Variants in FIRRM observed in about 807,000 individuals in gnomAD.
The protein encoded by FIRRM is FIGNL1 interacting regulator of recombination and mitosis, also known as FIGNL1-interacting regulator of recombination and mitosis.
the FIRRM span, among the ~76,000 whole-genome samples, chr1:169,799,683 C>G: frequency 6.6e-6 from 1 of 152,150 alleles, no homozygotes. Context: ...TCCCAAGTAG[C>G]TGGGATTACA....
the FIRRM span, chr1:169,853,903 A>G: frequency 5.1e-5 from 50 of 977,986 alleles, no homozygotes; most frequent in Middle Eastern, 6.4e-4. Context: ...ACTAAGTAAA[A>G]TAACTTAGAG....
the FIRRM span, among the ~76,000 whole-genome samples, chr1:169,799,668 C>T: frequency 6.6e-6 from 1 of 152,190 alleles, no homozygotes; most frequent in Non-Finnish European, 1.5e-5. Flanking sequence ...TCTCCTGCCT[C>T]AGTCTCCCAA....
the FIRRM span, among the ~76,000 whole-genome samples, chr1:169,817,572 A>G: frequency 4.6e-5 from 7 of 152,326 alleles, no homozygotes; most frequent in African/African-American, 7.2e-5. Flanking sequence ...ATATTTGACT[A>G]TGCTTCCTGT....
the FIRRM span, among the ~76,000 whole-genome samples, chr1:169,829,864 G>A: frequency 6.6e-6 from 1 of 152,148 alleles, no homozygotes; most frequent in African/African-American, 2.4e-5. Flanking sequence ...TTAAAGATCA[G>A]TAGCATTTCA....
chr1:169,801,565 C>A, the FIRRM span, among the ~76,000 whole-genome samples: 1 of 147,082 alleles, frequency 6.8e-6, no homozygotes, highest in Admixed American at 6.8e-5. Context: ...CCACTGTACT[C>A]CAGCCTGGGT....
At chr1:169,852,190 G>A in the FIRRM span, 1,168 of 513,712 alleles carry the variant, frequency 2.3e-3, 4 homozygotes, top group Non-Finnish European at 3.3e-3. Context: ...TATTGTACCA[G>A]TGATGCTATA....
the FIRRM span, among the ~76,000 whole-genome samples, chr1:169,812,102 T>C: frequency 3.7e-4 from 57 of 152,364 alleles, no homozygotes; most frequent in South Asian, 0.011. Flanking sequence ...ATTTACCTGC[T>C]TTTTGAAAAT....
the FIRRM span, among the ~76,000 whole-genome samples, chr1:169,846,163 G>A: frequency 6.6e-6 from 1 of 152,142 alleles, no homozygotes; most frequent in Non-Finnish European, 1.5e-5. Flanking sequence ...TATTTTGAAA[G>A]AAATCTTTTT....
At chr1:169,827,823 C>G in the FIRRM span, 2 of 1,613,912 alleles carry the variant, frequency 1.2e-6, no homozygotes, top group Non-Finnish European at 1.7e-6. Context: ...ACAGCCAGGT[C>G]TCAGAAACGA....
chr1:169,832,402 C>T, the FIRRM span: 2 of 1,580,764 alleles, frequency 1.3e-6, no homozygotes, highest in Non-Finnish European at 8.7e-7. Context: ...CTCTCTCTCT[C>T]ATGTCTTTTT....
the FIRRM span, among the ~76,000 whole-genome samples, chr1:169,819,141 C>A: frequency 6.6e-6 from 1 of 152,248 alleles, no homozygotes; most frequent in Non-Finnish European, 1.5e-5. Context: ...TATACTGGAT[C>A]CTGGATTCCC....
chr1:169,850,295 T>G, the FIRRM span: 2 of 1,612,654 alleles, frequency 1.2e-6, no homozygotes, highest in South Asian at 2.2e-5. Context: ...AGTTCCACAG[T>G]GTCTCAGTTC....
chr1:169,807,951 T>A, the FIRRM span: 1 of 1,593,430 alleles, frequency 6.3e-7, no homozygotes, highest in Non-Finnish European at 8.5e-7. Context: ...GCTAATAGCA[T>A]TTTAAACAGC....
chr1:169,830,193 A>G, the FIRRM span: 4 of 1,321,124 alleles, frequency 3.0e-6, no homozygotes, highest in African/African-American at 1.5e-5. Context: ...ATTTTGAGAA[A>G]TATAATATTA....
chr1:169,812,991 CTGTTT>C, the FIRRM span, among the ~76,000 whole-genome samples: 1 of 152,104 alleles, frequency 6.6e-6, no homozygotes, highest in African/African-American at 2.4e-5. Flanking sequence ...CCATCCAACT[CTGTTT>C]TGATTTGGTT....
chr1:169,800,365 ATTTT>A, the FIRRM span, among the ~76,000 whole-genome samples: 1 of 152,156 alleles, frequency 6.6e-6, no homozygotes, highest in African/African-American at 2.4e-5. Flanking sequence ...TAAGTAAATT[ATTTT>A]TTTATCTTGA....
chr1:169,849,539 C>CT, the FIRRM span: 1 of 1,614,030 alleles, frequency 6.2e-7, no homozygotes, highest in South Asian at 1.1e-5. Flanking sequence ...GTTTGCCTTA[C>CT]TGCTAGCTGA....
At chr1:169,813,927 C>T in the FIRRM span, among the ~76,000 whole-genome samples, 1 of 152,266 alleles carries the variant, frequency 6.6e-6, no homozygotes, top group East Asian at 1.9e-4. Context: ...ATGTTTTGTG[C>T]CCTGAGTGCT....
At chr1:169,853,096 A>AAAAT in the FIRRM span, 34 of 1,006,032 alleles carry the variant, frequency 3.4e-5, no homozygotes, top group Admixed American at 5.1e-4. Flanking sequence ...GAATCTAGTG[A>AAAAT]AAATAATCTT....
Sources: gnomAD v4.1 joint callset for allele counts (sites outside exome capture counted in the v4.1 genomes callset) on GRCh38, gnomAD v4.1.1 for gene constraint, MANE v1.5 for transcripts, NCBI Gene and HGNC (gene_info 2026-07-23, HGNC 2026-07-21) for gene names.